Variants in SND1 observed in about 807,000 individuals in gnomAD.
SND1 encodes staphylococcal nuclease domain-containing protein 1.
SND1 carries 38 observed loss-of-function variants against 121.7 expected under a neutral mutation model. That is an observed-to-expected ratio of 0.31 (90% CI 0.24 to 0.41). SND1 has a LOEUF of 0.41. Among genes scored for constraint, SND1 ranks in the 10% least tolerant of loss-of-function variants. The pLI is 1.00. For synonymous variants in SND1, 401 were observed against 447.4 expected (o/e 0.90, Z 1.31); for missense variants, 868 against 1,184.6 (o/e 0.73, Z 3.92).
intron 11 of SND1, among the ~76,000 whole-genome samples, chr7:127,821,185 C>G (rs970727831): frequency 1.3e-5 from 2 of 152,180 alleles, no homozygotes; most frequent in African/African-American, 4.8e-5. Flanking sequence ...CCAGTCATTC[C>G]TCTTAGTCCA....
intron 16 of SND1, among the ~76,000 whole-genome samples, chr7:128,050,822 T>C (rs762638020): frequency 2.6e-5 from 4 of 152,194 alleles, no homozygotes; most frequent in African/African-American, 4.8e-5. Flanking sequence ...TCCAAGAAGA[T>C]AGGCAGAGCT....
chr7:127,974,639 C>G (rs1802072260), intron 15 of SND1, among the ~76,000 whole-genome samples: 1 of 152,186 alleles, frequency 6.6e-6, no homozygotes, highest in African/African-American at 2.4e-5. Flanking sequence ...TTCACCTTTC[C>G]TCCTGACTCA....
chr7:127,822,596 G>T (rs1348223660), intron 11 of SND1, among the ~76,000 whole-genome samples: 3 of 151,046 alleles, frequency 2.0e-5, no homozygotes, highest in Non-Finnish European at 4.4e-5. Context: ...AATGTTTTTT[G>T]AAAAAAAGAG....
At chr7:127,802,921 TC>T (rs1438964611) in intron 10 of SND1, among the ~76,000 whole-genome samples, 1 of 152,228 alleles carries the variant, frequency 6.6e-6, no homozygotes, top group Non-Finnish European at 1.5e-5. Context: ...TCAGAATGTA[TC>T]CAGTTCTGAC....
intron 1 of SND1, among the ~76,000 whole-genome samples, chr7:127,672,864 C>T (rs926620345): frequency 2.0e-5 from 3 of 151,872 alleles, no homozygotes; most frequent in Non-Finnish European, 4.4e-5. Flanking sequence ...GAATTTAAGA[C>T]TGTAATTTTG....
intron 10 of SND1, among the ~76,000 whole-genome samples, chr7:127,726,144 T>C (rs1796577851): frequency 6.6e-6 from 1 of 152,242 alleles, no homozygotes; most frequent in Non-Finnish European, 1.5e-5. Flanking sequence ...GGACAAACAC[T>C]GTGATCAAAG....
intron 2 of SND1, among the ~76,000 whole-genome samples, chr7:127,688,279 G>A (rs1233335263): frequency 6.6e-6 from 1 of 152,090 alleles, no homozygotes; most frequent in Middle Eastern, 3.2e-3. Context: ...TTTGTGGTCT[G>A]CCTTTGACCC....
chr7:127,712,756 G>A (rs958972191), intron 9 of SND1, among the ~76,000 whole-genome samples: 3 of 152,158 alleles, frequency 2.0e-5, no homozygotes, highest in Admixed American at 6.5e-5. Flanking sequence ...TTGGGCTTAT[G>A]TATAGATACG....
chr7:127,694,023 G>A lies in SND1; in HGVS notation c.229-805G>A, dbSNP rs558805447. Among the ~76,000 whole-genome samples, 5 of 152,256 alleles carry A rather than the reference G, an allele frequency of 3.3e-5. No individual in the cohort carries two copies. The East Asian group carries it at 5.8e-4, about 18-fold the overall frequency. ...TGTGTGGATGTGTAGCTCAGTCCTC[G>A]TGTCTGTGCATGGAACGGTGAGAGG... On this transcript the variant is annotated intron_variant, in intron 2 of 23. Coordinates refer to ENST00000354725, the MANE Select transcript of SND1 (RefSeq NM_014390.4).
chr7:127,770,224 A>G (rs906402061), intron 10 of SND1, among the ~76,000 whole-genome samples: 16 of 152,152 alleles, frequency 1.1e-4, no homozygotes, highest in African/African-American at 3.9e-4. Flanking sequence ...GCCACCAGGG[A>G]GTGGAGACAC....
intron 15 of SND1, among the ~76,000 whole-genome samples, chr7:127,954,219 G>A (rs1801539925): frequency 6.6e-6 from 1 of 152,142 alleles, no homozygotes; most frequent in Non-Finnish European, 1.5e-5. Context: ...AGACACAGCA[G>A]GAAACAAAAC....
chr7:127,716,896 G>A (rs1438988740), intron 9 of SND1, among the ~76,000 whole-genome samples: 1 of 152,212 alleles, frequency 6.6e-6, no homozygotes, highest in Non-Finnish European at 1.5e-5. Context: ...TGGAAAGGAA[G>A]TTCTGGAGAT....
intron 16 of SND1, among the ~76,000 whole-genome samples, chr7:128,036,770 CCA>C (rs1312507990): frequency 6.6e-6 from 1 of 152,160 alleles, no homozygotes; most frequent in Non-Finnish European, 1.5e-5. Flanking sequence ...TGTGGTCTAG[CCA>C]CAGTCACTTA....
At position 127,844,290 on chromosome 7, in the gene SND1, C is replaced by G. The variant is rs375506997; in HGVS notation, c.1243-34C>G. 1.6e-5 allele frequency: 26 copies of G among 1,579,822 alleles called. No individual in the cohort carries two copies. In the Admixed American group the frequency reaches 1.7e-4, roughly 10 times the overall value. ...CTGCTAGTGAGCTATGTTGCAGACT[C>G]TCAACCCTAATTCCCTTGATTCTTT... On this transcript the variant is annotated intron_variant, in intron 11 of 23. Transcript: ENST00000354725.
intron 10 of SND1, among the ~76,000 whole-genome samples, chr7:127,749,011 G>A (rs1797031130): frequency 6.6e-6 from 1 of 150,724 alleles, no homozygotes; most frequent in Admixed American, 6.6e-5. Context: ...GGGATATGCA[G>A]ACATGGATAT....
intron 10 of SND1, among the ~76,000 whole-genome samples, chr7:127,763,427 G>A (rs1797341104): frequency 1.3e-5 from 2 of 152,048 alleles, no homozygotes; most frequent in Admixed American, 6.6e-5. Context: ...GCTCATTGCA[G>A]CCTTGATGTT....
chr7:127,790,764 T>G (rs1234669212), intron 10 of SND1, among the ~76,000 whole-genome samples: 1 of 152,170 alleles, frequency 6.6e-6, no homozygotes, highest in Non-Finnish European at 1.5e-5. Context: ...ATTAGAAAAT[T>G]CACAGACGGC....
At chr7:127,869,653 A>G (rs1166017049) in intron 12 of SND1, among the ~76,000 whole-genome samples, 1 of 152,194 alleles carries the variant, frequency 6.6e-6, no homozygotes, top group African/African-American at 2.4e-5. Context: ...GTTAGATCTC[A>G]TATAATTATA....
intron 11 of SND1, among the ~76,000 whole-genome samples, chr7:127,832,892 T>G (rs1473445380): frequency 6.6e-6 from 1 of 152,226 alleles, no homozygotes; most frequent in Non-Finnish European, 1.5e-5. Flanking sequence ...TAGTGTGAAC[T>G]ACACGTGCGA....
Sources: allele counts gnomAD v4.1 joint callset (sites outside exome capture counted in the v4.1 genomes callset), GRCh38; gene constraint gnomAD v4.1.1; transcripts MANE v1.5; gene names NCBI Gene and HGNC (gene_info 2026-07-23, HGNC 2026-07-21).